Variants in CUL7 observed in about 807,000 individuals in gnomAD.
CUL7 encodes cullin-7.
A neutral mutation model predicts 177.7 loss-of-function variants in CUL7; 96 were observed. The observed-to-expected ratio is 0.54, with a 90% confidence interval of 0.46 to 0.64. CUL7 has a LOEUF of 0.64. CUL7 is among the 30% of genes least tolerant of loss of function. The probability of loss-of-function intolerance (pLI) is 0.00; values close to 1 mark genes in which losing one functional copy is unlikely to be tolerated. For missense variants in CUL7, 1,893 were observed against 2,187.9 expected (o/e 0.87, Z 2.69); for synonymous variants, 824 against 890.2 (o/e 0.93, Z 1.32).
chr6:43,037,759 G>A lies in CUL7; in HGVS notation c.5026C>T (p.Leu1676=). The change falls in exon 26 of 26, where the codon CTA becomes TTA. Residue 1676 remains leucine, a synonymous_variant. Coordinates refer to ENST00000265348, the MANE Select transcript of CUL7 (RefSeq NM_014780.5). ...GGCACACCCCGGGAGCGAATCTGTAGGGTATGGAAGGTGAGGGGTGGGTTG... is the reference window on the plus strand; with the variant it reads ...GGCACACCCCGGGAGCGAATCTGTAAGGTATGGAAGGTGAGGGGTGGGTTG... ...GPNPPLTFHT[L]QIRSRGVPYA... The A allele has an allele frequency of 6.3e-7, 1 of 1,585,236 alleles. No homozygotes were observed.
Position 43,048,588 on chromosome 6 carries a change from C to A in CUL7, c.1826-19G>T, listed in dbSNP as rs574175264. 6.6e-5 allele frequency: 103 copies of A among 1,572,442 alleles called. 1 individual carries two copies. The South Asian group carries it at 1.1e-3, about 17-fold the overall frequency. On this transcript the variant is annotated intron_variant, in intron 7 of 25. Transcript: ENST00000265348. ...TCTTTTGCTACAGGAAGGGGACAGTCACAGGAGTTGGCCATTGTTAGTAAT... is the reference window on the plus strand; with the variant it reads ...TCTTTTGCTACAGGAAGGGGACAGTAACAGGAGTTGGCCATTGTTAGTAAT...
At chr6:43,048,010 T>C in intron 9 of CUL7, 138 bp downstream of exon 9, 1 of 635,882 alleles carries the variant, frequency 1.6e-6, no homozygotes, top group South Asian at 1.7e-5. Flanking sequence ...AAAATAAAAT[T>C]CAATTTTAAA....
In CUL7 at chr6:43,045,715, C is replaced by T. The variant is rs777448526; in HGVS notation, c.2767-33G>A. 6.2e-6 allele frequency: 10 copies of T among 1,609,780 alleles called. No homozygotes were observed. The highest frequency in any genetic ancestry group is 7.7e-6 in the Non-Finnish European group (9 of 1,176,068). ...GGGGCAGAGAAAGCTGTCACCTCCA[C>T]ACATGCAGAGCCAAGTTGGCTCTAG... is the stretch of plus-strand genomic sequence containing the variant. On this transcript the variant is annotated intron_variant, in intron 13 of 25. Coordinates refer to ENST00000265348, the MANE Select transcript of CUL7 (RefSeq NM_014780.5). This position sits in a 1 kb window ranked among gnomAD's most constrained non-coding sequence, Gnocchi z 4.8.
chr6:43,040,498 T>C lies in CUL7; in HGVS notation c.4023+32A>G, dbSNP rs1196090149. ...CTCCACGCCCCTCTTCCCCCTACCC[T>C]CTTATTTGCTTATCCCTTCCAAGGC... On this transcript the variant is annotated intron_variant, in intron 21 of 25. Coordinates refer to ENST00000265348, the MANE Select transcript of CUL7 (RefSeq NM_014780.5). This position sits in a 1 kb window ranked among gnomAD's most constrained non-coding sequence, Gnocchi z 4.2. The C allele has an allele frequency of 1.9e-6, 3 of 1,613,238 alleles. No individual in the cohort carries two copies. Among genetic ancestry groups the C allele is most frequent in the Non-Finnish European group, 2.5e-6 (3 of 1,179,970 alleles).
chr6:43,050,407 T>C lies in CUL7; in HGVS notation c.1234-9A>G, dbSNP rs2150333339. The C allele has an allele frequency of 6.2e-7, 1 of 1,613,796 alleles. No individual in the cohort carries two copies. Among genetic ancestry groups the C allele is most frequent in the East Asian group, 2.2e-5 (1 of 44,870 alleles). ...GTTGACTCCCAAAATACCTGGAGCATAGGGAAAGAAAGAGGGAAGGGGAAG... is the reference window on the plus strand; with the variant it reads ...GTTGACTCCCAAAATACCTGGAGCACAGGGAAAGAAAGAGGGAAGGGGAAG... On this transcript the variant is annotated splice_polypyrimidine_tract_variant and intron_variant, in intron 4 of 25. Transcript: ENST00000265348. This position sits in a 1 kb window ranked among gnomAD's most constrained non-coding sequence, Gnocchi z 4.1.
chr6:43,042,009 A>G (rs962686718), intron 19 of CUL7, among the ~76,000 whole-genome samples: 2 of 130,118 alleles, frequency 1.5e-5, no homozygotes, highest in Admixed American at 7.3e-5. Context: ...GTCTCAAAAA[A>G]AAAAAAAAAA....
rs200300352 is a variant in CUL7, at chr6:43,045,290, C to T, written c.2975G>A (p.Arg992Gln). The T allele has an allele frequency of 4.8e-5, 78 of 1,614,086 alleles. No homozygotes were observed. Among genetic ancestry groups the T allele is most frequent in the East Asian group, 1.8e-4 (8 of 44,892 alleles). ...CATGTCCTGGCTCCAGGCCTGTGCC[C>T]GAACCATGTAGAAGAGGCGTGTGTG... ...CRHTRLFYMVRAQAWSQDMAE... is the reference protein window; with the variant it reads ...CRHTRLFYMVQAQAWSQDMAE... Residue 992 changes from arginine to glutamine, a missense_variant, in exon 15 of 26, where the codon CGG becomes CAG. By Grantham distance (43) the Arg-to-Gln change is conservative. Transcript: ENST00000265348. The surrounding 1 kb of genome is among the most constrained non-coding windows in gnomAD (Gnocchi z 4.8).
Position 43,050,942 on chromosome 6 carries a change from G to A in CUL7, c.1233+26C>T. ...CCCTACCCCAAATAGACCCCCAACAGTATCCCACCACCATGTGCCACTCAC... is the reference window on the plus strand; with the variant it reads ...CCCTACCCCAAATAGACCCCCAACAATATCCCACCACCATGTGCCACTCAC... On this transcript the variant is annotated intron_variant, in intron 4 of 25. Transcript: ENST00000265348. This position sits in a 1 kb window ranked among gnomAD's most constrained non-coding sequence, Gnocchi z 4.1. The A allele has an allele frequency of 6.2e-7, 1 of 1,612,870 alleles. No homozygotes were observed. The highest frequency in any genetic ancestry group is 8.5e-7 in the Non-Finnish European group (1 of 1,179,894).
In CUL7 at chr6:43,045,300, A is replaced by C. The variant is rs1295466248; in HGVS notation, c.2965T>G (p.Tyr989Asp). ...CTCCAGGCCTGTGCCCGAACCATGT[A>C]GAAGAGGCGTGTGTGACGACAGAGC... The part of the protein sequence containing the change: ...EQLCRHTRLF[Y>D]MVRAQAWSQD... The change falls in exon 15 of 26, where the codon TAC becomes GAC. Residue 989 changes from tyrosine (Y) to aspartate (D), a missense_variant. Tyr to Asp is a radical substitution (Grantham distance 160). Around this residue, in one of 5 missense-constraint regions of CUL7, gnomAD observed 973 missense variants for 1,140.9 expected, o/e 0.85. Transcript: ENST00000265348. The surrounding 1 kb of genome is among the most constrained non-coding windows in gnomAD (Gnocchi z 4.8). The C allele has an allele frequency of 1.2e-6, 2 of 1,614,180 alleles. No individual in the cohort carries two copies. Among genetic ancestry groups the C allele is most frequent in the Admixed American group, 3.3e-5 (2 of 60,026 alleles).
At position 43,050,927 on chromosome 6, in the gene CUL7, A is replaced by G; in HGVS notation, c.1233+41T>C. 1 of 1,611,158 alleles carries G rather than the reference A, an allele frequency of 6.2e-7. No homozygotes were observed. Among genetic ancestry groups the G allele is most frequent in the East Asian group, 2.2e-5 (1 of 44,876 alleles). ...GAAGTCCCAGCTCTGCCCTACCCCA[A>G]ATAGACCCCCAACAGTATCCCACCA... On this transcript the variant is annotated intron_variant, in intron 4 of 25. Transcript: ENST00000265348. This position sits in a 1 kb window ranked among gnomAD's most constrained non-coding sequence, Gnocchi z 4.1.
At position 43,043,646 on chromosome 6, in the gene CUL7, A is replaced by G. The variant is rs1216503159; in HGVS notation, c.3173-16T>C. On this transcript the variant is annotated splice_polypyrimidine_tract_variant and intron_variant, in intron 16 of 25. Transcript: ENST00000265348. This position sits in a 1 kb window ranked among gnomAD's most constrained non-coding sequence, Gnocchi z 4.2. ...CCATCCTCATCTAGAGGGTGAGATA[A>G]ACAAACCAAGGCACAGCCATGTCTG... 1 of 1,568,706 alleles carries G rather than the reference A, an allele frequency of 6.4e-7. No individual in the cohort carries two copies. Among genetic ancestry groups the G allele is most frequent in the South Asian group, 1.1e-5 (1 of 87,458 alleles).
intron 22 of CUL7, 37 bp from the exon 23 acceptor site, chr6:43,039,024 GA>G: frequency 1.4e-6 from 2 of 1,467,906 alleles, no homozygotes; most frequent in Non-Finnish European, 1.9e-6. Flanking sequence ...AAGAGCAGGT[GA>G]AAGGAGGGAG....
At chr6:43,039,112 C>A in intron 22 of CUL7, 125 bp from the exon 23 acceptor site, 1 of 693,048 alleles carries the variant, frequency 1.4e-6, no homozygotes, top group Non-Finnish European at 2.6e-6. Context: ...CATTTATGGA[C>A]ACTGGGGCTT....
rs1581973880 is a variant in CUL7, at chr6:43,053,588, G to T, written c.-9+34C>A. 7 of 1,310,398 alleles carry T rather than the reference G, an allele frequency of 5.3e-6. No individual in the cohort carries two copies. In the East Asian group the frequency reaches 2.1e-4, roughly 39 times the overall value. The allele number at this position is 1,310,398 out of a possible 1,614,324, so 81.2% of individuals were successfully genotyped here. A position where few individuals can be genotyped will look rare whatever the true frequency, so the allele number is the denominator to read the frequency against. Reference sequence around the variant, plus strand: ...CTCGATGGGCTAGTGGGCAGGGAAGGAGAAGCAAGGGGCCGCGGTGGGGCT... The same window carrying T: ...CTCGATGGGCTAGTGGGCAGGGAAGTAGAAGCAAGGGGCCGCGGTGGGGCT... On this transcript the variant is annotated intron_variant, in intron 1 of 25. Coordinates refer to ENST00000265348, the MANE Select transcript of CUL7 (RefSeq NM_014780.5). The surrounding 1 kb of genome is among the most constrained non-coding windows in gnomAD (Gnocchi z 4.1).
rs1229629130 is a variant in CUL7 at position 43,045,915 on chromosome 6, A to G, written c.2766+71T>C. Reference sequence around the variant, plus strand: ...GGTGGGAGTTAGAAAAAAGTAGGATAGGGCCAGATAGAAGCAGGAGGGCAG... The same window carrying G: ...GGTGGGAGTTAGAAAAAAGTAGGATGGGGCCAGATAGAAGCAGGAGGGCAG... On this transcript the variant is annotated intron_variant, in intron 13 of 25. Coordinates refer to ENST00000265348, the MANE Select transcript of CUL7 (RefSeq NM_014780.5). This position sits in a 1 kb window ranked among gnomAD's most constrained non-coding sequence, Gnocchi z 4.8. The G allele has an allele frequency of 1.1e-5, 14 of 1,302,010 alleles. No homozygotes were observed. Among genetic ancestry groups the G allele is most frequent in the Non-Finnish European group, 1.5e-5 (14 of 904,178 alleles). 80.7% of individuals were successfully genotyped at this position (1,302,010 alleles called of 1,614,324 possible).
chr6:43,040,853 A>G lies in CUL7; in HGVS notation c.3806+62T>C. The G allele has an allele frequency of 6.2e-7, 1 of 1,603,298 alleles. No homozygotes were observed. The highest frequency in any genetic ancestry group is 8.5e-7 in the Non-Finnish European group (1 of 1,172,000). On this transcript the variant is annotated intron_variant, in intron 20 of 25. Coordinates refer to ENST00000265348, the MANE Select transcript of CUL7 (RefSeq NM_014780.5). This position sits in a 1 kb window ranked among gnomAD's most constrained non-coding sequence, Gnocchi z 4.2. ...TCTATCCCAGACTTCCAGGCCCATGAGCTGGCTCTGCCACCATCATCCTGC... is the reference window on the plus strand; with the variant it reads ...TCTATCCCAGACTTCCAGGCCCATGGGCTGGCTCTGCCACCATCATCCTGC...
chr6:43,041,296 C>G (rs556078346), intron 19 of CUL7, among the ~76,000 whole-genome samples: 8 of 152,124 alleles, frequency 5.3e-5, no homozygotes, highest in Non-Finnish European at 1.2e-4. Flanking sequence ...AAAAATCAAA[C>G]TAATAATAAT....
In CUL7 at chr6:43,049,762, C is replaced by A; in HGVS notation, c.1570-100G>T. On this transcript the variant is annotated intron_variant, in intron 6 of 25. Coordinates refer to ENST00000265348, the MANE Select transcript of CUL7 (RefSeq NM_014780.5). The stretch of plus-strand genomic sequence containing the variant: ...GGGGGTCTCTCTGCACACATACCCT[C>A]CATCCTGATCCTCTCACAGCTGGCA... 2.0e-6 allele frequency: 3 copies of A among 1,498,666 alleles called. No individual in the cohort carries two copies. In the South Asian group the frequency reaches 3.5e-5, roughly 18 times the overall value. The allele number at this position is 1,498,666 out of a possible 1,614,324, so 92.8% of individuals were successfully genotyped here.
chr6:43,048,690 A>C, intron 7 of CUL7, 121 bp from the exon 8 acceptor site: 1 of 737,666 alleles, frequency 1.4e-6, no homozygotes, highest in South Asian at 1.9e-5. Context: ...AAATTTTTTA[A>C]TCCCCCTAAA....
Sources: gnomAD v4.1 joint callset for allele counts (sites outside exome capture counted in the v4.1 genomes callset) on GRCh38, gnomAD v4.1.1 for gene constraint, gnomAD v4.1.1 regional missense constraint, Gnocchi (gnomAD v3.1) non-coding constraint, MANE v1.5 for transcripts, NCBI Gene and HGNC (gene_info 2026-07-23, HGNC 2026-07-21) for gene names.